The following COL25A1 variants were observed in gnomAD, a reference collection of about 807,000 sequenced individuals.
COL25A1 encodes collagen type XXV alpha 1 chain.
In COL25A1, 103 loss-of-function variants were observed where a neutral mutation model predicts 128.4. The ratio of observed to expected loss-of-function variants is 0.80; its 90% CI spans 0.68 to 0.94. The LOEUF is 0.94. COL25A1 is among the 40% of genes least tolerant of loss of function. The pLI is 0.00. For missense variants in COL25A1, 745 were observed against 840.0 expected, an observed-to-expected ratio of 0.89 and a Z score of 1.40; for synonymous variants, 279 against 277.2, an observed-to-expected ratio of 1.01 and a Z score of -0.06.
At chr4:108,949,013 G>A (rs2881015) in intron 8 of COL25A1, among the ~76,000 whole-genome samples, 66,941 of 151,978 alleles carry the variant, frequency 0.44, 16,185 homozygotes, top group East Asian at 0.75. Flanking sequence ...CCTAAGAAAA[G>A]CCAACAGAAG....
At chr4:109,147,045 T>C (rs1217219197) in intron 3 of COL25A1, among the ~76,000 whole-genome samples, 4 of 152,174 alleles carry the variant, frequency 2.6e-5, no homozygotes, top group East Asian at 1.9e-4. Flanking sequence ...AAGTATTCTC[T>C]ATGAGAGGAG....
At chr4:108,852,782 A>G (rs1735945780) in intron 25 of COL25A1, 120 bp downstream of exon 25, 1 of 761,496 alleles carries the variant, frequency 1.3e-6, no homozygotes. Flanking sequence ...TTATTAATAC[A>G]AGAAAACATA....
At chr4:108,904,757 A>G (rs995227645) in intron 13 of COL25A1, among the ~76,000 whole-genome samples, 4 of 152,238 alleles carry the variant, frequency 2.6e-5, no homozygotes, top group Non-Finnish European at 4.4e-5. Flanking sequence ...ACAGCAGCTA[A>G]CATCTTAACC....
intron 32 of COL25A1, among the ~76,000 whole-genome samples, chr4:108,829,451 T>C (rs182323698): frequency 0.038 from 5,794 of 152,134 alleles, 353 homozygotes; most frequent in African/African-American, 0.13. Context: ...TCTATCTGTG[T>C]GTGTGTGTGT....
intron 3 of COL25A1, among the ~76,000 whole-genome samples, chr4:109,121,640 G>T (rs775532795): frequency 1.3e-5 from 2 of 152,158 alleles, no homozygotes; most frequent in Non-Finnish European, 2.9e-5. Flanking sequence ...TGGCAAAGAT[G>T]TGGAGCAGAA....
At chr4:109,298,295 G>C (rs1489310825) in intron 3 of COL25A1, among the ~76,000 whole-genome samples, 1 of 152,116 alleles carries the variant, frequency 6.6e-6, no homozygotes, top group African/African-American at 2.4e-5. Context: ...TACCCTTAGA[G>C]CCTACCTGAA....
At position 108,863,363 on chromosome 4, in the gene COL25A1, G is replaced by A; in HGVS notation, c.1108C>T (p.Pro370Ser). 6.2e-7 allele frequency: 1 copy of A among 1,613,782 alleles called. No individual in the cohort carries two copies. The highest frequency in any genetic ancestry group is 1.1e-5 in the South Asian group (1 of 91,034). Residue 370 changes from proline (P) to serine (S), a missense_variant, in exon 21 of 38, where the codon CCT becomes TCT. By Grantham distance (74) the Pro-to-Ser change is moderately conservative (BLOSUM62 -1). This residue lies in a region of COL25A1 where 387 missense variants were observed against 441.9 expected (regional missense o/e 0.88). Transcript: ENST00000399132. ...TKGERGEAGP[P>S]GRGERGEPGA... ...GGTTCCCCTCGCTCACCTCTTCCAGGAGGCCCTGCTTCCCCCCGTTCACCC... is the reference window on the plus strand; with the variant it reads ...GGTTCCCCTCGCTCACCTCTTCCAGAAGGCCCTGCTTCCCCCCGTTCACCC...
chr4:109,025,045 G>C (rs1013636158), intron 5 of COL25A1, among the ~76,000 whole-genome samples: 2 of 152,090 alleles, frequency 1.3e-5, no homozygotes, highest in African/African-American at 4.8e-5. Context: ...CAAAATATCT[G>C]GGTTGTAATT....
At chr4:108,963,766 C>T (rs1431867852) in intron 8 of COL25A1, among the ~76,000 whole-genome samples, 1 of 151,576 alleles carries the variant, frequency 6.6e-6, no homozygotes, top group African/African-American at 2.4e-5. Flanking sequence ...TTGTAAAAAT[C>T]CCAACAAAAG....
chr4:109,232,172 T>C (rs927744450), intron 3 of COL25A1, among the ~76,000 whole-genome samples: 1 of 152,152 alleles, frequency 6.6e-6, no homozygotes, highest in African/African-American at 2.4e-5. Flanking sequence ...CAAAAATCAA[T>C]ACTTTGTCAA....
intron 11 of COL25A1, among the ~76,000 whole-genome samples, chr4:108,929,082 C>T (rs928621232): frequency 6.6e-6 from 1 of 152,118 alleles, no homozygotes; most frequent in African/African-American, 2.4e-5. Flanking sequence ...ACTTAATAAA[C>T]AGCCATATGG....
At position 109,260,945 on chromosome 4, in the gene COL25A1, G is replaced by A. The variant is rs1310049266; in HGVS notation, c.367+39638C>T. Among the ~76,000 whole-genome samples, 3 of 152,222 alleles carry A rather than the reference G, an allele frequency of 2.0e-5. No homozygotes were observed. In the East Asian group the frequency reaches 5.8e-4, roughly 29 times the overall value. ...GGACTAGCCCAATTTATTTCTGTAT[G>A]TAAAAGTAATCTATAGATTACAAGA... On this transcript the variant is annotated intron_variant, in intron 3 of 37. Coordinates refer to ENST00000399132, the MANE Select transcript of COL25A1 (RefSeq NM_198721.4).
At chr4:109,157,883 C>T (rs374611742) in intron 3 of COL25A1, among the ~76,000 whole-genome samples, 388 of 152,326 alleles carry the variant, frequency 2.5e-3, no homozygotes, top group Non-Finnish European at 4.9e-3. Context: ...CAGCATGGGG[C>T]ACTGTGCCAT....
At chr4:108,919,866 G>C (rs532194049) in intron 12 of COL25A1, among the ~76,000 whole-genome samples, 60 of 152,196 alleles carry the variant, frequency 3.9e-4, no homozygotes, top group African/African-American at 1.4e-3. Context: ...AGGTTCAAGC[G>C]ATTCTCCTGT....
chr4:108,899,117 A>G (rs749138738), intron 15 of COL25A1, 37 bp downstream of exon 15: 1 of 1,599,152 alleles, frequency 6.3e-7, no homozygotes, highest in South Asian at 1.1e-5. Context: ...GGTGGTGGGG[A>G]GTAGGGAGAG....
intron 20 of COL25A1, among the ~76,000 whole-genome samples, chr4:108,864,607 T>C (rs780762131): frequency 1.6e-4 from 24 of 152,094 alleles, no homozygotes; most frequent in Non-Finnish European, 3.5e-4. Context: ...AGAACCAAAA[T>C]AGTTAAGGAT....
intron 16 of COL25A1, among the ~76,000 whole-genome samples, chr4:108,894,752 T>C (rs988521263): frequency 6.6e-6 from 1 of 152,192 alleles, no homozygotes; most frequent in Non-Finnish European, 1.5e-5. Flanking sequence ...GGTTTATATA[T>C]TTAGGATTTC....
intron 3 of COL25A1, among the ~76,000 whole-genome samples, chr4:109,285,164 TA>T (rs1268866582): frequency 6.6e-6 from 1 of 152,136 alleles, no homozygotes; most frequent in African/African-American, 2.4e-5. Flanking sequence ...ATTCTAAAAA[TA>T]AAGCCATCGA....
intron 3 of COL25A1, among the ~76,000 whole-genome samples, chr4:109,166,362 C>A (rs1237335123): frequency 1.3e-5 from 2 of 152,156 alleles, no homozygotes; most frequent in African/African-American, 4.8e-5. Context: ...CTTCTTTCTG[C>A]CAATCTATTA....
Sources: gnomAD v4.1 joint callset for allele counts (sites outside exome capture counted in the v4.1 genomes callset) on GRCh38, gnomAD v4.1.1 for gene constraint, gnomAD v4.1.1 regional missense constraint, MANE v1.5 for transcripts, NCBI Gene and HGNC (gene_info 2026-07-23, HGNC 2026-07-21) for gene names.